Variants in MAD1L1 observed in about 807,000 individuals in gnomAD.
MAD1L1 encodes the protein mitotic spindle assembly checkpoint protein MAD1.
In MAD1L1, 95 loss-of-function variants were observed where a neutral mutation model predicts 96.9. The ratio of observed to expected loss-of-function variants is 0.98; its 90% CI spans 0.83 to 1.16. The LOEUF is 1.16. MAD1L1 is among the 50% of genes most tolerant of loss of function. The pLI is 0.00. For missense variants in MAD1L1, 1,007 were observed against 954.4 expected (o/e 1.06, Z -0.73); for synonymous variants, 473 against 396.6 (o/e 1.19, Z -2.29).
intron 18 of MAD1L1, among the ~76,000 whole-genome samples, chr7:1,833,563 C>T (rs1325600028): frequency 6.6e-6 from 1 of 152,230 alleles, no homozygotes; most frequent in African/African-American, 2.4e-5. Context: ...CACATTCCAG[C>T]AGGATACAGG....
At chr7:1,922,915 C>T (rs935354506) in intron 17 of MAD1L1, among the ~76,000 whole-genome samples, 1 of 152,210 alleles carries the variant, frequency 6.6e-6, no homozygotes, top group Non-Finnish European at 1.5e-5. Flanking sequence ...ATGGATTGTA[C>T]CAGCTGACGC....
In MAD1L1 at chr7:1,951,861, G is replaced by A. The variant is rs560722055; in HGVS notation, c.1596+5768C>T. Among the ~76,000 whole-genome samples the A allele has an allele frequency of 1.6e-4, 25 of 152,226 alleles. No individual in the cohort carries two copies. In the South Asian group the frequency reaches 3.5e-3, roughly 22 times the overall value. On this transcript the variant is annotated intron_variant, in intron 16 of 18. Coordinates refer to ENST00000265854, the MANE Select transcript of MAD1L1 (RefSeq NM_001013836.2). ...CATCTGTCCACAGACGCTGGGGTGC[G>A]CTCACCTCTGGGCTACCGTGAGCGA...
At chr7:1,965,631 G>A (rs1409327912) in intron 15 of MAD1L1, among the ~76,000 whole-genome samples, 1 of 152,244 alleles carries the variant, frequency 6.6e-6, no homozygotes, top group African/African-American at 2.4e-5. Context: ...GGCCCCCGTG[G>A]CCCCTGCCTC....
Position 1,936,822 on chromosome 7 carries a change from G to C in MAD1L1, c.1672C>G (p.Arg558Gly). 6.2e-7 allele frequency: 1 copy of C among 1,602,456 alleles called. No individual in the cohort carries two copies. Among genetic ancestry groups the C allele is most frequent in the Non-Finnish European group, 8.5e-7 (1 of 1,175,330 alleles). The change falls in exon 17 of 19, where the codon CGC (arginine) becomes GGC (glycine). Residue 558 changes from arginine (R) to glycine (G), a missense_variant. Physicochemically the swap from Arg to Gly is moderately radical, Grantham distance 125. Transcript: ENST00000265854. Reference sequence around the variant, plus strand: ...GCCTGCAGCTGGCTGTGGTCCTCGCGCAGGCGCTGCCTGGCCACACTGGTG... The same window carrying C: ...GCCTGCAGCTGGCTGTGGTCCTCGCCCAGGCGCTGCCTGGCCACACTGGTG... ...NPTSVARQRL[R>G]EDHSQLQAEC...
At chr7:2,029,225 A>G (rs1783111410) in intron 12 of MAD1L1, among the ~76,000 whole-genome samples, 2 of 152,274 alleles carry the variant, frequency 1.3e-5, no homozygotes, top group Non-Finnish European at 2.9e-5. Context: ...AAAGAAATTC[A>G]AACGCCCATT....
chr7:2,202,385 G>A (rs920847041), intron 10 of MAD1L1, among the ~76,000 whole-genome samples: 1 of 152,228 alleles, frequency 6.6e-6, no homozygotes, highest in Non-Finnish European at 1.5e-5. Context: ...TGCACCTCTG[G>A]AGGGCAGCAC....
intron 13 of MAD1L1, among the ~76,000 whole-genome samples, chr7:2,010,313 G>A (rs564001154): frequency 2.0e-5 from 3 of 152,166 alleles, no homozygotes; most frequent in East Asian, 1.9e-4. Context: ...AAGGGAAGAC[G>A]GAAACACCGT....
chr7:2,015,994 T>C (rs1584088732), intron 12 of MAD1L1, among the ~76,000 whole-genome samples: 1 of 152,186 alleles, frequency 6.6e-6, no homozygotes, highest in Admixed American at 6.5e-5. Flanking sequence ...ATCTATAAGA[T>C]GCAGGTTCAA....
intron 1 of MAD1L1, among the ~76,000 whole-genome samples, chr7:2,231,280 G>A (rs1387651759): frequency 2.0e-5 from 3 of 150,882 alleles, no homozygotes; most frequent in African/African-American, 7.3e-5. Flanking sequence ...CCTGGGTAAC[G>A]GGGTGAGACA....
At chr7:2,180,768 T>C (rs1791164122) in intron 10 of MAD1L1, among the ~76,000 whole-genome samples, 1 of 152,218 alleles carries the variant, frequency 6.6e-6, no homozygotes, top group South Asian at 2.1e-4. Flanking sequence ...GTTGAACTTG[T>C]TTATTAGCTC....
intron 11 of MAD1L1, among the ~76,000 whole-genome samples, chr7:2,134,415 A>G (rs1381503304): frequency 6.6e-6 from 1 of 152,222 alleles, no homozygotes; most frequent in African/African-American, 2.4e-5. Flanking sequence ...ATAGACGATC[A>G]TGTCATCTGC....
rs144376658 is a variant in MAD1L1, at chr7:2,066,464, G to A, written c.1218+2730C>T. ...AATCCTTCGTCAGGATAAACAACCAGTCCATGCCCGGCGATCAATACCCAC... is the reference window on the plus strand; with the variant it reads ...AATCCTTCGTCAGGATAAACAACCAATCCATGCCCGGCGATCAATACCCAC... On this transcript the variant is annotated intron_variant, in intron 12 of 18. Transcript: ENST00000265854. Among the ~76,000 whole-genome samples the A allele has an allele frequency of 3.8e-4, 58 of 152,354 alleles. 1 individual carries two copies. In the East Asian group the frequency reaches 0.011, roughly 28 times the overall value.
chr7:1,882,659 C>T (rs1785757714), intron 18 of MAD1L1, among the ~76,000 whole-genome samples: 1 of 152,210 alleles, frequency 6.6e-6, no homozygotes, highest in South Asian at 2.1e-4. Context: ...GGATGCCACA[C>T]ACCTGCACAG....
chr7:1,898,326 G>A lies in MAD1L1; in HGVS notation c.1872C>T (p.Thr624=), dbSNP rs1787022391. Residue 624 remains threonine (T), a synonymous_variant, in exon 18 of 19, where the codon ACC becomes ACT. Transcript: ENST00000265854. ...KNQRLKEVFQ[T]KIQEFRKACY... ...AGGCCTTGCGGAACTCCTGGATCTT[G>A]GTCTGGAAAACCTCCTTGAGCCGCT... is the stretch of plus-strand genomic sequence containing the variant. 2 of 1,613,956 alleles carry A rather than the reference G, an allele frequency of 1.2e-6. No individual in the cohort carries two copies. Among genetic ancestry groups the A allele is most frequent in the South Asian group, 1.1e-5 (1 of 91,050 alleles).
intron 18 of MAD1L1, among the ~76,000 whole-genome samples, chr7:1,896,093 G>A (rs1188675346): frequency 6.6e-6 from 1 of 152,204 alleles, no homozygotes; most frequent in Non-Finnish European, 1.5e-5. Context: ...GAGCAGGGCT[G>A]GGGAGCTGGC....
rs548513327 is a variant in MAD1L1, at chr7:1,995,772, GCAGCCATACAGAACCCCGGTGCCAC to G, written c.1416+6268_1416+6292del. Among the ~76,000 whole-genome samples, 307 of 152,264 alleles carry G rather than the reference GCAGCCATACAGAACCCCGGTGCCAC, an allele frequency of 2.0e-3. 1 individual carries two copies. The highest frequency in any genetic ancestry group is 6.9e-3 in the African/African-American group (285 of 41,540). On this transcript the variant is annotated intron_variant, in intron 14 of 18. Transcript: ENST00000265854. ...GTTTCCAGGGACCAGGAGGCTGCCAGCAGCCATACAGAACCCCGGTGCCACCAGCCATACAGAACCCCGGTGCCAG... is the reference window on the plus strand; with the variant it reads ...GTTTCCAGGGACCAGGAGGCTGCCAGCAGCCATACAGAACCCCGGTGCCAG...
chr7:2,122,534 G>A (rs956485400), intron 11 of MAD1L1, among the ~76,000 whole-genome samples: 1 of 152,026 alleles, frequency 6.6e-6, no homozygotes, highest in African/African-American at 2.4e-5. Flanking sequence ...CCCGGGAGGC[G>A]GAGGTTGCCA....
intron 10 of MAD1L1, 75 bp downstream of exon 10, chr7:2,213,137 C>T: frequency 6.6e-7 from 1 of 1,506,604 alleles, no homozygotes; most frequent in South Asian, 1.1e-5. Context: ...CGCTGGTGAG[C>T]CGGAAGCAGG....
intron 11 of MAD1L1, among the ~76,000 whole-genome samples, chr7:2,122,547 A>G (rs988179035): frequency 1.3e-5 from 2 of 151,960 alleles, no homozygotes; most frequent in Admixed American, 1.3e-4. Flanking sequence ...GGTTGCCATG[A>G]GCCAAAATCA....
Sources: allele counts gnomAD v4.1 joint callset (sites outside exome capture counted in the v4.1 genomes callset), GRCh38; gene constraint gnomAD v4.1.1; transcripts MANE v1.5; gene names NCBI Gene and HGNC (gene_info 2026-07-23, HGNC 2026-07-21).